Variants in MYO10 observed in about 807,000 individuals in gnomAD.
MYO10 encodes unconventional myosin-X.
MYO10 carries 133 observed loss-of-function variants against 257.3 expected under a neutral mutation model. The observed-to-expected ratio is 0.52, with a 90% CI of 0.45 to 0.60. The LOEUF (loss-of-function observed/expected upper bound fraction) is 0.60. Among genes scored for constraint, MYO10 ranks in the 20% least tolerant of loss-of-function variants. MYO10 has a pLI of 0.00. For missense variants in MYO10, 2,399 were observed against 2,635.7 expected, an observed-to-expected ratio of 0.91 and a Z score of 1.97; for synonymous variants, 1,104 against 1,028.6, an observed-to-expected ratio of 1.07 and a Z score of -1.40.
chr5:16,766,740 C>T (rs1277146231), intron 10 of MYO10, among the ~76,000 whole-genome samples: 4 of 150,818 alleles, frequency 2.7e-5, no homozygotes, highest in East Asian at 1.9e-4. Flanking sequence ...GCTGGGATTA[C>T]AGGCATGAGC....
At chr5:16,809,903 C>CT (rs762496237) in intron 3 of MYO10, among the ~76,000 whole-genome samples, 50 of 152,270 alleles carry the variant, frequency 3.3e-4, no homozygotes, top group South Asian at 4.1e-4. Flanking sequence ...CTGAAGTTCC[C>CT]TGCAGCTCTC....
At chr5:16,862,932 G>T (rs2126747377) in intron 2 of MYO10, among the ~76,000 whole-genome samples, 1 of 152,264 alleles carries the variant, frequency 6.6e-6, no homozygotes, top group East Asian at 1.9e-4. Context: ...GGACTAAGGG[G>T]GCTGAGCTAC....
chr5:16,894,631 A>G (rs1225038586), intron 1 of MYO10, among the ~76,000 whole-genome samples: 3 of 152,200 alleles, frequency 2.0e-5, no homozygotes, highest in African/African-American at 4.8e-5. Context: ...TTAACAACAC[A>G]GATACTGTGC....
At chr5:16,666,976 A>C (rs1249734757) in intron 40 of MYO10, among the ~76,000 whole-genome samples, 183 bp from the exon 41 acceptor site, 1 of 152,194 alleles carries the variant, frequency 6.6e-6, no homozygotes, top group African/African-American at 2.4e-5. Flanking sequence ...GAAAGGTGGA[A>C]TCTCAGCTTT....
At chr5:16,713,770 G>A (rs535995480) in intron 19 of MYO10, among the ~76,000 whole-genome samples, 1 of 152,310 alleles carries the variant, frequency 6.6e-6, no homozygotes, top group East Asian at 1.9e-4. Flanking sequence ...TGAATTGAAT[G>A]TTCAAAGATG....
chr5:16,813,823 GAGA>G (rs770387242), intron 3 of MYO10, among the ~76,000 whole-genome samples: 3 of 152,164 alleles, frequency 2.0e-5, no homozygotes, highest in Non-Finnish European at 2.9e-5. Flanking sequence ...GACAGTGGAG[GAGA>G]AGGAGGAAAG....
In MYO10 at chr5:16,699,542, C is replaced by T; in HGVS notation, c.3464G>A (p.Arg1155Lys). Reference protein sequence around the residue: ...FEDSEEDFDSRFDTDDELSYR... With the variant: ...FEDSEEDFDSKFDTDDELSYR... ...TGAAAGCTCATCATCTGTATCAAAC[C>T]TGGAATCAAAGTCCTCTTCACTATC... is the stretch of plus-strand genomic sequence containing the variant. The change falls in exon 26 of 41, where the codon AGG (arginine) becomes AAG (lysine). Residue 1155 changes from arginine to lysine, a missense_variant. Transcript: ENST00000513610. 6.2e-7 allele frequency: 1 copy of T among 1,613,716 alleles called. No homozygotes were observed.
At chr5:16,888,460 T>C (rs1334079792) in intron 1 of MYO10, among the ~76,000 whole-genome samples, 2 of 151,858 alleles carry the variant, frequency 1.3e-5, no homozygotes, top group African/African-American at 4.9e-5. Context: ...CTGGGTGTGG[T>C]GGTGCATGCC....
chr5:16,900,346 T>C (rs749095327), intron 1 of MYO10, among the ~76,000 whole-genome samples: 13 of 151,828 alleles, frequency 8.6e-5, no homozygotes, highest in South Asian at 2.1e-4. Context: ...AAGAGAGGAG[T>C]TTTGCAGATG....
At chr5:16,693,364 C>G (rs1737591634) in intron 27 of MYO10, among the ~76,000 whole-genome samples, 1 of 152,192 alleles carries the variant, frequency 6.6e-6, no homozygotes, top group Admixed American at 6.5e-5. Flanking sequence ...GCTGTGAACC[C>G]TTGCAGGATT....
At chr5:16,689,116 T>G (rs773947979) in intron 28 of MYO10, among the ~76,000 whole-genome samples, 6 of 152,228 alleles carry the variant, frequency 3.9e-5, no homozygotes, top group Admixed American at 2.6e-4. Context: ...GCATTACAAA[T>G]GATACTAACC....
intron 2 of MYO10, among the ~76,000 whole-genome samples, chr5:16,856,868 C>G (rs1743974314): frequency 6.6e-6 from 1 of 152,156 alleles, no homozygotes; most frequent in Non-Finnish European, 1.5e-5. Flanking sequence ...TTCCTTCATG[C>G]CAGGTGGCAT....
chr5:16,700,422 A>G (rs1252160484), intron 25 of MYO10, among the ~76,000 whole-genome samples: 1 of 152,254 alleles, frequency 6.6e-6, no homozygotes, highest in East Asian at 1.9e-4. Context: ...CACGCCTGTA[A>G]TCCCAGCACT....
intron 2 of MYO10, among the ~76,000 whole-genome samples, chr5:16,850,074 G>A (rs1743754567): frequency 6.6e-6 from 1 of 152,180 alleles, no homozygotes; most frequent in South Asian, 2.1e-4. Flanking sequence ...ATAAGACAAA[G>A]AGGAATGCTT....
intron 3 of MYO10, among the ~76,000 whole-genome samples, chr5:16,816,939 C>T (rs1226131645): frequency 6.6e-6 from 1 of 151,650 alleles, no homozygotes; most frequent in Non-Finnish European, 1.5e-5. Context: ...CCTGCCTCAG[C>T]CTCCTGAGTA....
intron 1 of MYO10, among the ~76,000 whole-genome samples, chr5:16,915,512 C>T (rs2126795653): frequency 6.6e-6 from 1 of 152,308 alleles, no homozygotes; most frequent in East Asian, 1.9e-4. Flanking sequence ...GCATCATGGT[C>T]TCAGTAATGG....
chr5:16,819,284 A>G (rs929937130), intron 2 of MYO10, among the ~76,000 whole-genome samples: 9 of 152,200 alleles, frequency 5.9e-5, no homozygotes, highest in Non-Finnish European at 1.0e-4. Flanking sequence ...TAGCATGTAC[A>G]TAAGGTGACT....
At position 16,769,057 on chromosome 5, in the gene MYO10, G is replaced by A; in HGVS notation, c.1060+17C>T. On this transcript the variant is annotated intron_variant, in intron 10 of 40. Transcript: ENST00000513610. ...GGGAACAAAGGGAGCGAGGAGGGCA[G>A]GCAGGCATAATCTTACCTGTTTTGA... The A allele has an allele frequency of 6.3e-7, 1 of 1,598,466 alleles. No homozygotes were observed. The highest frequency in any genetic ancestry group is 2.3e-5 in the East Asian group (1 of 44,072).
At chr5:16,760,892 A>G (rs1159574858) in intron 17 of MYO10, among the ~76,000 whole-genome samples, 3 of 152,142 alleles carry the variant, frequency 2.0e-5, no homozygotes, top group African/African-American at 7.2e-5. Flanking sequence ...AAGAGGATTA[A>G]TAACAGTATG....
Sources: allele counts gnomAD v4.1 joint callset (sites outside exome capture counted in the v4.1 genomes callset), GRCh38; gene constraint gnomAD v4.1.1; transcripts MANE v1.5; gene names NCBI Gene and HGNC (gene_info 2026-07-23, HGNC 2026-07-21).